The following COX7B2 variants were observed in gnomAD, a reference collection of about 807,000 sequenced individuals.
COX7B2 encodes cytochrome c oxidase subunit 7B2, mitochondrial.
For synonymous variants in COX7B2, 37 were observed against 32.1 expected (o/e 1.15, Z -0.51); for missense variants, 109 against 95.9 (o/e 1.14, Z -0.57).
At chr4:46,799,534 A>G (rs771575486) in intron 2 of COX7B2, among the ~76,000 whole-genome samples, 1 of 152,174 alleles carries the variant, frequency 6.6e-6, no homozygotes, top group Non-Finnish European at 1.5e-5. Context: ...AGTTTCTTCA[A>G]TAACTAGTTT....
chr4:46,883,067 C>T (rs902617749), intron 1 of COX7B2, among the ~76,000 whole-genome samples: 3 of 152,136 alleles, frequency 2.0e-5, no homozygotes, highest in Non-Finnish European at 4.4e-5. Flanking sequence ...GAAATAAAAT[C>T]TCCATATTAA....
At chr4:46,778,954 T>C (rs1717299522) in intron 2 of COX7B2, among the ~76,000 whole-genome samples, 2 of 152,158 alleles carry the variant, frequency 1.3e-5, no homozygotes, top group Admixed American at 1.3e-4. Flanking sequence ...AAAAATACAA[T>C]ATAAAACAAA....
intron 1 of COX7B2, among the ~76,000 whole-genome samples, chr4:46,908,823 C>T (rs571635810): frequency 8.2e-4 from 124 of 150,500 alleles, no homozygotes; most frequent in African/African-American, 2.8e-3. Context: ...GGGTGGATCA[C>T]GAGGTCAGGA....
intron 2 of COX7B2, among the ~76,000 whole-genome samples, chr4:46,764,019 C>T (rs1184904144): frequency 6.6e-6 from 1 of 152,026 alleles, no homozygotes; most frequent in African/African-American, 2.4e-5. Context: ...TGGCTATGAA[C>T]AATATACTCA....
intron 2 of COX7B2, among the ~76,000 whole-genome samples, chr4:46,753,103 T>A (rs1269589027): frequency 3.3e-5 from 5 of 152,156 alleles, no homozygotes; most frequent in Admixed American, 2.0e-4. Context: ...GAGCCTGTTA[T>A]CGGTCTATTC....
At chr4:46,754,748 A>G (rs1327891471) in intron 2 of COX7B2, among the ~76,000 whole-genome samples, 2 of 135,016 alleles carry the variant, frequency 1.5e-5, no homozygotes, top group Non-Finnish European at 3.2e-5. Context: ...ATATATATAT[A>G]TGAAAGAAAT....
At chr4:46,769,597 A>C (rs937733190) in intron 2 of COX7B2, among the ~76,000 whole-genome samples, 2 of 152,128 alleles carry the variant, frequency 1.3e-5, no homozygotes, top group African/African-American at 2.4e-5. Flanking sequence ...ATGTGCATGT[A>C]ATGCCAGCTA....
intron 1 of COX7B2, among the ~76,000 whole-genome samples, chr4:46,856,031 G>A (rs1427216653): frequency 1.3e-5 from 2 of 152,034 alleles, no homozygotes; most frequent in South Asian, 4.1e-4. Flanking sequence ...ATCACTTGAG[G>A]TCAGGAGTTC....
chr4:46,842,217 T>A (rs1029292125), intron 2 of COX7B2, among the ~76,000 whole-genome samples: 9 of 152,004 alleles, frequency 5.9e-5, no homozygotes, highest in Non-Finnish European at 1.0e-4. Flanking sequence ...CCCAAAGCAA[T>A]TCTGGCTTTC....
In COX7B2 at chr4:46,776,225, C is replaced by A. The variant is rs1332341826; in HGVS notation, c.-49-40984G>T. On this transcript the variant is annotated intron_variant, in intron 2 of 2. Transcript: ENST00000355591. Reference sequence around the variant, plus strand: ...GTGGGGGTCTGCCCTAAAAAAATTCCTTTTAAAGGAATATGCATACAGTAT... The same window carrying A: ...GTGGGGGTCTGCCCTAAAAAAATTCATTTTAAAGGAATATGCATACAGTAT... 3.9e-5 allele frequency among the ~76,000 whole-genome samples: 6 copies of A among 152,082 alleles called. No homozygotes were observed. The East Asian group carries it at 9.7e-4, about 25-fold the overall frequency.
At chr4:46,818,461 G>A (rs764774157) in intron 2 of COX7B2, among the ~76,000 whole-genome samples, 6 of 151,628 alleles carry the variant, frequency 4.0e-5, no homozygotes, top group African/African-American at 7.3e-5. Flanking sequence ...GTGAAACCCC[G>A]TCTCTACTAA....
intron 2 of COX7B2, among the ~76,000 whole-genome samples, chr4:46,788,624 A>G (rs964984798): frequency 1.3e-5 from 2 of 152,206 alleles, no homozygotes; most frequent in African/African-American, 4.8e-5. Context: ...TTATCTACAT[A>G]CATATTTACA....
At chr4:46,849,147 C>G (rs1716494320) in intron 1 of COX7B2, among the ~76,000 whole-genome samples, 2 of 152,042 alleles carry the variant, frequency 1.3e-5, no homozygotes, top group African/African-American at 2.4e-5. Flanking sequence ...TATACACACA[C>G]AGACACACAT....
chr4:46,851,639 T>G (rs576361581), intron 1 of COX7B2, among the ~76,000 whole-genome samples: 2 of 152,166 alleles, frequency 1.3e-5, no homozygotes, highest in Admixed American at 1.3e-4. Flanking sequence ...AACACTGCAT[T>G]TAGCTGGTTT....
chr4:46,846,282 G>A (rs575454435), intron 1 of COX7B2, among the ~76,000 whole-genome samples: 2 of 152,076 alleles, frequency 1.3e-5, no homozygotes, highest in East Asian at 3.9e-4. Flanking sequence ...AAGAGACAGC[G>A]ATCTGTGTCC....
chr4:46,754,726 G>GTATATATATATA (rs1228184530), intron 2 of COX7B2, among the ~76,000 whole-genome samples: 12 of 46,134 alleles, frequency 2.6e-4, no homozygotes, highest in African/African-American at 9.7e-4. Flanking sequence ...GTGTGTGTGT[G>GTATATATATATA]TGTATATATA....
Position 46,734,963 on chromosome 4 carries a change from T to A in COX7B2, c.230A>T (p.Glu77Val), listed in dbSNP as rs571204159. Residue 77 changes from glutamate (E) to valine (V), a missense_variant, in exon 3 of 3, where the codon GAG becomes GTG. Glu to Val is a moderately radical substitution (Grantham distance 121). Coordinates refer to ENST00000355591, the MANE Select transcript of COX7B2 (RefSeq NM_130902.3). ...LSPVGRVTPK[E>V]WKHQ Reference sequence around the variant, plus strand: ...CTGTGATGGTTACTGATGTTTCCACTCTTTTGGGGTAACTCTGCCAACAGG... The same window carrying A: ...CTGTGATGGTTACTGATGTTTCCACACTTTTGGGGTAACTCTGCCAACAGG... 6.2e-7 allele frequency: 1 copy of A among 1,613,998 alleles called. No individual in the cohort carries two copies. Among genetic ancestry groups the A allele is most frequent in the East Asian group, 2.2e-5 (1 of 44,864 alleles).
At chr4:46,776,904 TC>T (rs1201652777) in intron 2 of COX7B2, among the ~76,000 whole-genome samples, 1 of 152,138 alleles carries the variant, frequency 6.6e-6, no homozygotes, top group Non-Finnish European at 1.5e-5. Flanking sequence ...GTACAGGCTG[TC>T]CTCCTCCTTT....
At chr4:46,764,921 C>G (rs538735220) in intron 2 of COX7B2, among the ~76,000 whole-genome samples, 1 of 151,790 alleles carries the variant, frequency 6.6e-6, no homozygotes, top group South Asian at 2.1e-4. Flanking sequence ...AACTACAAAA[C>G]AGTCAGAAAA....
Sources: gnomAD v4.1 joint callset for allele counts (sites outside exome capture counted in the v4.1 genomes callset) on GRCh38, gnomAD v4.1.1 for gene constraint, MANE v1.5 for transcripts, NCBI Gene and HGNC (gene_info 2026-07-23, HGNC 2026-07-21) for gene names.